Variants in PAX5 observed in about 807,000 individuals in gnomAD.
PAX5 encodes the protein paired box 5.
A neutral mutation model predicts 43.7 loss-of-function variants in PAX5; 9 were observed. The ratio of observed to expected loss-of-function variants is 0.21; its 90% CI spans 0.12 to 0.36. The LOEUF (loss-of-function observed/expected upper bound fraction) is 0.36. Ranked by LOEUF, PAX5 falls within the 10% of genes least tolerant of loss-of-function variation. The pLI is 1.00. For synonymous variants in PAX5, 228 were observed against 214.3 expected (o/e 1.06, Z -0.56); for missense variants, 383 against 532.7 (o/e 0.72, Z 2.77).
At chr9:37,007,193 C>T (rs1373685048) in intron 3 of PAX5, among the ~76,000 whole-genome samples, 1 of 152,208 alleles carries the variant, frequency 6.6e-6, no homozygotes, top group Non-Finnish European at 1.5e-5. Context: ...GGGCTGGAGC[C>T]AGTGATATCC....
intron 7 of PAX5, among the ~76,000 whole-genome samples, chr9:36,921,586 C>T (rs535159313): frequency 5.9e-5 from 9 of 152,216 alleles, no homozygotes; most frequent in South Asian, 2.1e-4. Context: ...ATGATCATAA[C>T]GGTCCCACCT....
chr9:36,919,938 G>C (rs1191741797), intron 7 of PAX5, among the ~76,000 whole-genome samples: 2 of 150,908 alleles, frequency 1.3e-5, no homozygotes, highest in Non-Finnish European at 3.0e-5. Context: ...GTTGATTTCA[G>C]CCCTCATGGA....
intron 7 of PAX5, among the ~76,000 whole-genome samples, chr9:36,886,546 A>G (rs1449665324): frequency 6.6e-6 from 1 of 152,100 alleles, no homozygotes; most frequent in Admixed American, 6.6e-5. Context: ...GGGGTTTACA[A>G]CCTGTCAACA....
intron 7 of PAX5, among the ~76,000 whole-genome samples, chr9:36,900,072 C>G (rs1828233931): frequency 6.6e-6 from 1 of 152,230 alleles, no homozygotes; most frequent in African/African-American, 2.4e-5. Context: ...TCTAAATCTT[C>G]AAATATTTTT....
chr9:36,860,225 T>C (rs1438642830), intron 8 of PAX5, among the ~76,000 whole-genome samples: 1 of 151,846 alleles, frequency 6.6e-6, no homozygotes, highest in African/African-American at 2.4e-5. Flanking sequence ...TAATCCCAGC[T>C]ACTCAGGAGG....
chr9:36,879,949 A>C (rs1826257156), intron 8 of PAX5, among the ~76,000 whole-genome samples: 1 of 152,230 alleles, frequency 6.6e-6, no homozygotes, highest in African/African-American at 2.4e-5. Flanking sequence ...TTTTGCAGGC[A>C]GGAACCTGGC....
At chr9:36,990,318 G>A (rs73438939) in intron 5 of PAX5, among the ~76,000 whole-genome samples, 8 of 152,258 alleles carry the variant, frequency 5.3e-5, no homozygotes, top group African/African-American at 1.2e-4. Context: ...ACTAGAACTC[G>A]GGTTGTCTGA....
rs191463002 is a variant in PAX5, at chr9:37,016,586, T to G, written c.213-1392A>C. On this transcript the variant is annotated intron_variant, in intron 2 of 9. Coordinates refer to ENST00000358127, the MANE Select transcript of PAX5 (RefSeq NM_016734.3). ...GGGGGATAATTGACATAATTTCTTTTCTGAATCTGAGACATCACCAGACGT... is the reference window on the plus strand; with the variant it reads ...GGGGGATAATTGACATAATTTCTTTGCTGAATCTGAGACATCACCAGACGT... Among the ~76,000 whole-genome samples, 36 of 152,324 alleles carry G rather than the reference T, an allele frequency of 2.4e-4. No homozygotes were observed. The East Asian group carries it at 6.6e-3, about 28-fold the overall frequency.
intron 5 of PAX5, among the ~76,000 whole-genome samples, chr9:36,971,633 T>TC (rs928651053): frequency 1.3e-5 from 2 of 152,232 alleles, no homozygotes; most frequent in African/African-American, 2.4e-5. Context: ...ATCTTTTTTT[T>TC]CTACTCCAAG....
At chr9:36,980,530 A>T (rs868486869) in intron 5 of PAX5, among the ~76,000 whole-genome samples, 1 of 152,178 alleles carries the variant, frequency 6.6e-6, no homozygotes, top group African/African-American at 2.4e-5. Flanking sequence ...CAATCCCCAC[A>T]TCCCAGATTC....
At chr9:36,982,588 G>A (rs572087121) in intron 5 of PAX5, among the ~76,000 whole-genome samples, 1 of 152,324 alleles carries the variant, frequency 6.6e-6, no homozygotes, top group African/African-American at 2.4e-5. Flanking sequence ...CCTTCTCCTG[G>A]AAGGAGAAGG....
At chr9:36,972,190 T>C (rs1055798628) in intron 5 of PAX5, among the ~76,000 whole-genome samples, 45 of 152,060 alleles carry the variant, frequency 3.0e-4, no homozygotes, top group Admixed American at 2.4e-3. Flanking sequence ...TTTCTCAGAG[T>C]CCAGTTTCTC....
intron 6 of PAX5, among the ~76,000 whole-genome samples, chr9:36,940,795 T>A (rs1831987079): frequency 6.6e-6 from 1 of 152,130 alleles, no homozygotes. Flanking sequence ...GGGCAGTGAT[T>A]TTCATCTGCT....
intron 8 of PAX5, among the ~76,000 whole-genome samples, chr9:36,855,412 GT>G (rs1823564638): frequency 6.6e-6 from 1 of 152,188 alleles, no homozygotes; most frequent in Non-Finnish European, 1.5e-5. Flanking sequence ...AACAACACTG[GT>G]CCAAGTTTAA....
chr9:36,945,460 C>A (rs1464522968), intron 6 of PAX5, among the ~76,000 whole-genome samples: 1 of 152,206 alleles, frequency 6.6e-6, no homozygotes, highest in Non-Finnish European at 1.5e-5. Context: ...CAGGCTGTCT[C>A]AAACTCCTGG....
chr9:37,033,255 A>T (rs1841164746), intron 1 of PAX5, among the ~76,000 whole-genome samples: 1 of 152,224 alleles, frequency 6.6e-6, no homozygotes, highest in South Asian at 2.1e-4. Context: ...AATAGAATGG[A>T]CACTGGGCCT....
rs568212456 is a variant in PAX5 at position 36,913,050 on chromosome 9, A to G, written c.910+10305T>C. On this transcript the variant is annotated intron_variant, in intron 7 of 9. Coordinates refer to ENST00000358127, the MANE Select transcript of PAX5 (RefSeq NM_016734.3). ...TCAGCCCTTGGCTGTTGCTCAGATT[A>G]AAAGCCAGAAGAGGGTGGACTTTCT... Among the ~76,000 whole-genome samples the G allele has an allele frequency of 5.5e-4, 84 of 152,358 alleles. 2 individuals carry two copies. The South Asian group carries it at 0.016, about 29-fold the overall frequency.
intron 6 of PAX5, among the ~76,000 whole-genome samples, chr9:36,940,952 T>C (rs1160269222): frequency 1.3e-5 from 2 of 151,822 alleles, no homozygotes; most frequent in African/African-American, 4.8e-5. Context: ...ACAGGTTAAG[T>C]GGGAGAGACA....
intron 1 of PAX5, among the ~76,000 whole-genome samples, chr9:37,030,474 G>C (rs536657453): frequency 1.3e-5 from 2 of 152,322 alleles, no homozygotes; most frequent in African/African-American, 4.8e-5. Context: ...AGGAGAGCGA[G>C]ACTAGCAGCT....
Sources: allele counts gnomAD v4.1 joint callset (sites outside exome capture counted in the v4.1 genomes callset), GRCh38; gene constraint gnomAD v4.1.1; transcripts MANE v1.5; gene names NCBI Gene and HGNC (gene_info 2026-07-23, HGNC 2026-07-21).